Variants in CRIM1 observed in about 807,000 individuals in gnomAD.
CRIM1 encodes the protein cysteine rich transmembrane BMP regulator 1.
CRIM1 carries 32 observed loss-of-function variants against 116.4 expected under a neutral mutation model. That is an observed-to-expected ratio of 0.27 (90% confidence interval 0.21 to 0.37). The LOEUF is 0.37. CRIM1 is among the 10% of genes least tolerant of loss of function. The pLI is 1.00. For synonymous variants in CRIM1, 590 were observed against 509.2 expected, an observed-to-expected ratio of 1.16 and a Z score of -2.13; for missense variants, 1,331 against 1,354.8, an observed-to-expected ratio of 0.98 and a Z score of 0.28.
chr2:36,509,247 G>A (rs1387928934), intron 8 of CRIM1, among the ~76,000 whole-genome samples: 10 of 152,210 alleles, frequency 6.6e-5, no homozygotes, highest in African/African-American at 1.9e-4. Context: ...GATGGGCGCA[G>A]TGACTCACAC....
At chr2:36,429,540 T>A (rs963462350) in intron 2 of CRIM1, among the ~76,000 whole-genome samples, 2 of 152,152 alleles carry the variant, frequency 1.3e-5, no homozygotes, top group African/African-American at 2.4e-5. Flanking sequence ...CTGTCCTCTA[T>A]ACCTTGAGCC....
chr2:36,431,755 C>T (rs543571344), intron 2 of CRIM1, among the ~76,000 whole-genome samples: 1 of 152,296 alleles, frequency 6.6e-6, no homozygotes, highest in African/African-American at 2.4e-5. Flanking sequence ...GAAGGGCTCT[C>T]AGAACATCTG....
intron 14 of CRIM1, among the ~76,000 whole-genome samples, chr2:36,543,109 A>G (rs1667062997): frequency 1.3e-5 from 2 of 152,188 alleles, no homozygotes; most frequent in Admixed American, 1.3e-4. Flanking sequence ...TATAACTAAG[A>G]AAGCAGAAGA....
At chr2:36,515,791 T>C (rs1235887592) in intron 11 of CRIM1, among the ~76,000 whole-genome samples, 1 of 152,260 alleles carries the variant, frequency 6.6e-6, no homozygotes, top group Admixed American at 6.5e-5. Flanking sequence ...TTCTGACCAC[T>C]TCCGTACATG....
At chr2:36,387,100 T>A (rs1671224105) in intron 1 of CRIM1, among the ~76,000 whole-genome samples, 1 of 152,206 alleles carries the variant, frequency 6.6e-6, no homozygotes, top group South Asian at 2.1e-4. Context: ...ACCATTGCTT[T>A]GCAACTCCAT....
In CRIM1 at chr2:36,435,925, CTT is replaced by C. The variant is rs11344634; in HGVS notation, c.506-5321_506-5320del. Among the ~76,000 whole-genome samples, 700 of 144,020 alleles carry C rather than the reference CTT, an allele frequency of 4.9e-3. 1 individual carries two copies. The highest frequency in any genetic ancestry group is 0.011 in the African/African-American group (419 of 39,440). 94.5% of individuals were successfully genotyped at this position (144,020 alleles called of 152,430 possible). ...TTTGGTCTTTCTATATCTGGGCAGG[CTT>C]TTTTTTTTTTTAATGTCTGTTGCAC... On this transcript the variant is annotated intron_variant, in intron 2 of 16. Transcript: ENST00000280527.
chr2:36,488,810 T>C (rs1468632724), intron 7 of CRIM1, among the ~76,000 whole-genome samples: 1 of 152,196 alleles, frequency 6.6e-6, no homozygotes, highest in African/African-American at 2.4e-5. Flanking sequence ...CTCCAGCTCT[T>C]ACTTTGCAGC....
At chr2:36,432,458 A>G (rs112807469) in intron 2 of CRIM1, among the ~76,000 whole-genome samples, 2 of 152,316 alleles carry the variant, frequency 1.3e-5, no homozygotes, top group African/African-American at 4.8e-5. Flanking sequence ...ATGAAATAAA[A>G]TGTCTCTGAA....
intron 13 of CRIM1, among the ~76,000 whole-genome samples, chr2:36,534,772 T>G (rs1407452530): frequency 6.6e-6 from 1 of 151,406 alleles, no homozygotes; most frequent in Non-Finnish European, 1.5e-5. Flanking sequence ...ATATAGACAG[T>G]ATAGACCACT....
intron 2 of CRIM1, among the ~76,000 whole-genome samples, chr2:36,438,850 A>G (rs2124928094): frequency 6.6e-6 from 1 of 152,320 alleles, no homozygotes; most frequent in South Asian, 2.1e-4. Context: ...TCACATCACC[A>G]CATCACCATT....
chr2:36,449,155 A>C (rs1053491944), intron 4 of CRIM1, among the ~76,000 whole-genome samples: 1 of 152,160 alleles, frequency 6.6e-6, no homozygotes, highest in Non-Finnish European at 1.5e-5. Flanking sequence ...TGTTGGACAC[A>C]TGAAATTCTA....
intron 1 of CRIM1, among the ~76,000 whole-genome samples, chr2:36,392,197 A>T (rs554252071): frequency 1.3e-5 from 2 of 152,336 alleles, no homozygotes; most frequent in Non-Finnish European, 2.9e-5. Context: ...AGTACTCAAT[A>T]TTGGACATAT....
intron 16 of CRIM1, among the ~76,000 whole-genome samples, chr2:36,547,498 C>G (rs573049424): frequency 3.3e-5 from 5 of 152,074 alleles, no homozygotes; most frequent in African/African-American, 9.7e-5. Flanking sequence ...GACATTAAAA[C>G]GTGATCACCT....
intron 2 of CRIM1, among the ~76,000 whole-genome samples, chr2:36,399,095 G>A (rs1395346007): frequency 6.6e-6 from 1 of 152,170 alleles, no homozygotes; most frequent in Non-Finnish European, 1.5e-5. Context: ...TTGGGAAACT[G>A]GTCTGAAAGA....
intron 1 of CRIM1, among the ~76,000 whole-genome samples, chr2:36,360,636 G>T (rs1057264615): frequency 9.9e-5 from 15 of 152,144 alleles, no homozygotes; most frequent in Non-Finnish European, 5.9e-5. Flanking sequence ...AAGACAGTCA[G>T]TGAAGATGAT....
At chr2:36,546,922 T>C in intron 15 of CRIM1, 62 bp from the exon 16 acceptor site, 1 of 996,912 alleles carries the variant, frequency 1.0e-6, no homozygotes, top group South Asian at 1.6e-5. Context: ...TGCAATGTCA[T>C]TAAAATAATC....
chr2:36,466,543 T>G (rs550031471), intron 5 of CRIM1, among the ~76,000 whole-genome samples: 3 of 152,222 alleles, frequency 2.0e-5, no homozygotes, highest in African/African-American at 7.2e-5. Context: ...ATCTCAGATA[T>G]GCTTCATCCA....
intron 15 of CRIM1, among the ~76,000 whole-genome samples, chr2:36,545,445 C>T (rs1341468059): frequency 1.3e-5 from 2 of 152,140 alleles, no homozygotes; most frequent in South Asian, 2.1e-4. Context: ...ACTGTAAGTA[C>T]GACTATTCTT....
At chr2:36,545,608 T>TA (rs1212984845) in intron 15 of CRIM1, among the ~76,000 whole-genome samples, 7 of 152,212 alleles carry the variant, frequency 4.6e-5, no homozygotes, top group African/African-American at 1.7e-4. Context: ...TAAAGACTGA[T>TA]AGTTGTTTCC....
Sources: gnomAD v4.1 joint callset for allele counts (sites outside exome capture counted in the v4.1 genomes callset) on GRCh38, gnomAD v4.1.1 for gene constraint, MANE v1.5 for transcripts, NCBI Gene and HGNC (gene_info 2026-07-23, HGNC 2026-07-21) for gene names.